The following MCC variants were observed in gnomAD, a reference collection of about 807,000 sequenced individuals.
The protein encoded by MCC is MCC regulator of Wnt signaling pathway, also known as colorectal mutant cancer protein.
In MCC, 90 loss-of-function variants were observed where a neutral mutation model predicts 116.2. That is an observed-to-expected ratio of 0.77 (90% CI 0.65 to 0.92). The LOEUF (loss-of-function observed/expected upper bound fraction) is 0.92. MCC is among the 40% of genes least tolerant of loss of function. The probability of loss-of-function intolerance (pLI) is 0.00; values close to 1 mark genes in which losing one functional copy is unlikely to be tolerated. For synonymous variants in MCC, 578 were observed against 510.5 expected, an observed-to-expected ratio of 1.13 and a Z score of -1.78; for missense variants, 1,516 against 1,312.2, an observed-to-expected ratio of 1.16 and a Z score of -2.40.
intron 14 of MCC, among the ~76,000 whole-genome samples, chr5:113,063,045 G>A (rs1209354310): frequency 1.3e-5 from 2 of 152,306 alleles, no homozygotes; most frequent in South Asian, 2.1e-4. Flanking sequence ...AAGATCCCGG[G>A]TTCCCATCCA....
chr5:113,424,690 G>A (rs1770437756), intron 1 of MCC, among the ~76,000 whole-genome samples: 2 of 152,054 alleles, frequency 1.3e-5, no homozygotes, highest in Admixed American at 1.3e-4. Flanking sequence ...TCCAGCCTGG[G>A]TAATAGAGTG....
intron 8 of MCC, among the ~76,000 whole-genome samples, chr5:113,088,945 G>A (rs561948790): frequency 3.3e-5 from 5 of 152,190 alleles, no homozygotes; most frequent in South Asian, 4.2e-4. Flanking sequence ...CACTGCACAC[G>A]GCTATTTTTA....
chr5:113,177,563 T>C (rs567981325), intron 3 of MCC, among the ~76,000 whole-genome samples: 3 of 152,324 alleles, frequency 2.0e-5, no homozygotes, highest in East Asian at 1.9e-4. Context: ...AAATCAATGA[T>C]ATAAGTCTGC....
chr5:113,313,484 A>G (rs1343824629), intron 3 of MCC, among the ~76,000 whole-genome samples: 1 of 152,180 alleles, frequency 6.6e-6, no homozygotes. Context: ...AGTTCCTGTC[A>G]TATCTGATAG....
chr5:113,123,424 T>C (rs1383790932), intron 5 of MCC, among the ~76,000 whole-genome samples: 1 of 152,188 alleles, frequency 6.6e-6, no homozygotes, highest in African/African-American at 2.4e-5. Context: ...GAAGAGAGGA[T>C]GCAATGAGGA....
chr5:113,386,848 A>G (rs1341021784), intron 1 of MCC, among the ~76,000 whole-genome samples: 3 of 151,868 alleles, frequency 2.0e-5, no homozygotes. Context: ...GCATGAGGAT[A>G]GGAATAAATA....
At chr5:113,343,673 T>A (rs538397408) in intron 2 of MCC, among the ~76,000 whole-genome samples, 1 of 152,250 alleles carries the variant, frequency 6.6e-6, no homozygotes, top group South Asian at 2.1e-4. Flanking sequence ...GCCTGTGACA[T>A]AGATAGCATT....
At chr5:113,430,276 G>A (rs1006134285) in intron 1 of MCC, among the ~76,000 whole-genome samples, 1 of 152,222 alleles carries the variant, frequency 6.6e-6, no homozygotes, top group Non-Finnish European at 1.5e-5. Context: ...GCTAGGTCAT[G>A]GCTGACAGAA....
chr5:113,143,264 C>T lies in MCC; in HGVS notation c.838G>A (p.Ala280Thr), dbSNP rs754361263. The stretch of plus-strand genomic sequence containing the variant: ...CGGTCTATCTTCTTGTTGAGCTCCG[C>T]AATGACGCTGTGGAGCTCTGTGATG... ...ERITELHSVI[A>T]ELNKKIDRLQ... is the part of the protein sequence containing the mutation. Residue 280 changes from alanine (A) to threonine (T), a missense_variant, in exon 5 of 19, where the codon GCG becomes ACG. By Grantham distance (58) the Ala-to-Thr change is moderately conservative (BLOSUM62 0). Transcript: ENST00000408903. 50 of 1,613,108 alleles carry T rather than the reference C, an allele frequency of 3.1e-5. No individual in the cohort carries two copies. The highest frequency in any genetic ancestry group is 4.2e-5 in the Non-Finnish European group (50 of 1,179,806).
chr5:113,456,623 A>ATTTTTTTTTT (rs34111159), intron 1 of MCC, among the ~76,000 whole-genome samples: 595 of 51,062 alleles, frequency 0.012, 78 homozygotes, highest in African/African-American at 0.014. Context: ...TGCCCAGCTA[A>ATTTTTTTTTT]TTTTTTTTTT....
intron 8 of MCC, among the ~76,000 whole-genome samples, chr5:113,094,132 G>T (rs555360987): frequency 2.0e-5 from 3 of 152,212 alleles, no homozygotes; most frequent in Non-Finnish European, 4.4e-5. Context: ...ATTTTTCTTA[G>T]AGCCCTCAAA....
At chr5:113,394,269 T>A (rs1384303244) in intron 1 of MCC, among the ~76,000 whole-genome samples, 1 of 152,140 alleles carries the variant, frequency 6.6e-6, no homozygotes, top group Non-Finnish European at 1.5e-5. Flanking sequence ...AGCTCTCACA[T>A]CCATTCCGTC....
chr5:113,063,629 C>G (rs910988071), intron 14 of MCC, among the ~76,000 whole-genome samples: 1 of 152,178 alleles, frequency 6.6e-6, no homozygotes, highest in Non-Finnish European at 1.5e-5. Context: ...CGGCTCTTGG[C>G]TACCCTAAGT....
In MCC at chr5:113,356,913, A is replaced by T. The variant is rs1768428374; in HGVS notation, c.416-16183T>A. Among the ~76,000 whole-genome samples, 2 of 152,230 alleles carry T rather than the reference A, an allele frequency of 1.3e-5. 1 individual carries two copies. Among genetic ancestry groups the T allele is most frequent in the South Asian group, 4.1e-4 (2 of 4,836 alleles). Reference sequence around the variant, plus strand: ...ATATATTATCTTTGGTCCTACCAATAGCCTATGAATTGCCACAACATTTTT... The same window carrying T: ...ATATATTATCTTTGGTCCTACCAATTGCCTATGAATTGCCACAACATTTTT... On this transcript the variant is annotated intron_variant, in intron 2 of 18. Coordinates refer to ENST00000408903, the MANE Select transcript of MCC (RefSeq NM_001085377.2).
intron 3 of MCC, among the ~76,000 whole-genome samples, chr5:113,172,411 T>C (rs1581198822): frequency 6.6e-6 from 1 of 152,246 alleles, no homozygotes; most frequent in South Asian, 2.1e-4. Context: ...CTTCTCACTG[T>C]ACTTGGTCAG....
intron 1 of MCC, among the ~76,000 whole-genome samples, chr5:113,447,455 G>T (rs1771256169): frequency 6.6e-6 from 1 of 152,070 alleles, no homozygotes; most frequent in African/African-American, 2.4e-5. Flanking sequence ...ATAAATTTAT[G>T]GATATTGGAA....
At chr5:113,120,609 G>A (rs1470246962) in intron 6 of MCC, among the ~76,000 whole-genome samples, 1 of 152,152 alleles carries the variant, frequency 6.6e-6, no homozygotes, top group Non-Finnish European at 1.5e-5. Flanking sequence ...CACATGTTAT[G>A]TGCCAGGCCC....
intron 11 of MCC, among the ~76,000 whole-genome samples, chr5:113,080,040 A>C (rs1754741612): frequency 6.6e-6 from 1 of 152,246 alleles, no homozygotes; most frequent in South Asian, 2.1e-4. Flanking sequence ...CAGCCAACAG[A>C]CACATGAAAA....
intron 2 of MCC, among the ~76,000 whole-genome samples, chr5:113,348,608 A>T (rs1768189359): frequency 6.6e-6 from 1 of 152,100 alleles, no homozygotes; most frequent in African/African-American, 2.4e-5. Context: ...TACATCAAAA[A>T]GTAGAAAAAC....
Sources: gnomAD v4.1 joint callset for allele counts (sites outside exome capture counted in the v4.1 genomes callset) on GRCh38, gnomAD v4.1.1 for gene constraint, MANE v1.5 for transcripts, NCBI Gene and HGNC (gene_info 2026-07-23, HGNC 2026-07-21) for gene names.